KIF26B: variants seen among roughly 807,000 people sequenced by gnomAD.
KIF26B encodes the protein kinesin-like protein KIF26B.
A neutral mutation model predicts 151.2 loss-of-function variants in KIF26B; 63 were observed. The observed-to-expected ratio is 0.42, with a 90% CI of 0.34 to 0.51. The LOEUF (loss-of-function observed/expected upper bound fraction) is 0.51, where lower values mean the gene tolerates loss of function less well. Among genes scored for constraint, KIF26B ranks in the 20% least tolerant of loss-of-function variants. The pLI is 0.07. For missense variants in KIF26B, 2,813 were observed against 2,913.6 expected (o/e 0.97, Z 0.79); for synonymous variants, 1,357 against 1,262.1 (o/e 1.08, Z -1.59).
chr1:245,373,771 A>C (rs1320668904), intron 3 of KIF26B, among the ~76,000 whole-genome samples: 1 of 151,982 alleles, frequency 6.6e-6, no homozygotes, highest in Non-Finnish European at 1.5e-5. Flanking sequence ...ATTTTAAGAT[A>C]TGAGCACAGT....
intron 2 of KIF26B, among the ~76,000 whole-genome samples, chr1:245,249,829 T>C (rs921297337): frequency 3.9e-5 from 6 of 152,160 alleles, no homozygotes; most frequent in Non-Finnish European, 5.9e-5. Flanking sequence ...CTGGGAAGCA[T>C]TGCTTTGTTT....
At chr1:245,211,056 C>T (rs183793559) in intron 2 of KIF26B, among the ~76,000 whole-genome samples, 2 of 152,250 alleles carry the variant, frequency 1.3e-5, no homozygotes, top group African/African-American at 2.4e-5. Context: ...TTGTATAGGC[C>T]TTGTGTCTTC....
At chr1:245,272,652 T>G (rs926402241) in intron 2 of KIF26B, among the ~76,000 whole-genome samples, 1 of 152,170 alleles carries the variant, frequency 6.6e-6, no homozygotes, top group Non-Finnish European at 1.5e-5. Flanking sequence ...TTAACATAGG[T>G]GTTTACTACT....
At chr1:245,176,751 C>T (rs550488544) in intron 2 of KIF26B, among the ~76,000 whole-genome samples, 3 of 152,118 alleles carry the variant, frequency 2.0e-5, no homozygotes, top group African/African-American at 7.2e-5. Flanking sequence ...GGCGATGGGG[C>T]CTTTGACTTT....
chr1:245,259,395 A>G (rs774382493), intron 2 of KIF26B, among the ~76,000 whole-genome samples: 1 of 152,158 alleles, frequency 6.6e-6, no homozygotes, highest in Non-Finnish European at 1.5e-5. Flanking sequence ...GCTGAAATGC[A>G]CACGTGTTAC....
Position 245,602,496 on chromosome 1 carries a change from T to C in KIF26B, c.1351-81T>C, listed in dbSNP as rs539810922. ...AGTTCAGTGCTGCCATGTGCATGTA[T>C]ATCGCAGAGTATACAAGGGTGCTCC... On this transcript the variant is annotated intron_variant, in intron 5 of 14. Coordinates refer to ENST00000407071, the MANE Select transcript of KIF26B (RefSeq NM_018012.4). The surrounding 1 kb of genome is among the most constrained non-coding windows in gnomAD (Gnocchi z 4.5). 8.6e-4 allele frequency: 913 copies of C among 1,057,510 alleles called. No individual in the cohort carries two copies. The highest frequency in any genetic ancestry group is 2.4e-3 in the South Asian group (180 of 73,680). 65.5% of individuals were successfully genotyped at this position (1,057,510 alleles called of 1,614,324 possible).
chr1:245,586,509 G>T (rs1263326486), intron 5 of KIF26B, among the ~76,000 whole-genome samples: 2 of 152,126 alleles, frequency 1.3e-5, no homozygotes, highest in African/African-American at 4.8e-5. Context: ...TTAGTTTGAG[G>T]AAAGGAGTCC....
chr1:245,417,390 T>C (rs1674447063), intron 3 of KIF26B, among the ~76,000 whole-genome samples: 1 of 152,168 alleles, frequency 6.6e-6, no homozygotes, highest in Non-Finnish European at 1.5e-5. Flanking sequence ...TATTCCTAGA[T>C]ACAAATTGGC....
At chr1:245,635,014 C>T (rs879639107) in intron 9 of KIF26B, among the ~76,000 whole-genome samples, 19 of 151,610 alleles carry the variant, frequency 1.3e-4, no homozygotes, top group Admixed American at 1.1e-3. Context: ...GCCCTAGATA[C>T]AATTTTCTAA....
chr1:245,474,399 C>CACGCAGCCTCAAACACTGGG (rs1186266969), intron 4 of KIF26B, among the ~76,000 whole-genome samples: 1 of 150,056 alleles, frequency 6.7e-6, no homozygotes, highest in Non-Finnish European at 1.5e-5. Flanking sequence ...TGAGCCACTG[C>CACGCAGCCTCAAACACTGGG]TCCTGGCTTT....
intron 3 of KIF26B, among the ~76,000 whole-genome samples, chr1:245,416,112 C>CAAAAAA (rs375247191): frequency 3.3e-4 from 41 of 124,844 alleles, no homozygotes; most frequent in African/African-American, 1.2e-3. Flanking sequence ...AGTAAAAATA[C>CAAAAAA]AAAAAAAAAA....
At chr1:245,396,645 A>T (rs552250136) in intron 3 of KIF26B, among the ~76,000 whole-genome samples, 1 of 149,370 alleles carries the variant, frequency 6.7e-6, no homozygotes, top group South Asian at 2.1e-4. Flanking sequence ...CAAAAAAAAA[A>T]CAAAAAACAA....
At chr1:245,474,406 C>CT (rs201678465) in intron 4 of KIF26B, among the ~76,000 whole-genome samples, 41 of 144,498 alleles carry the variant, frequency 2.8e-4, no homozygotes, top group East Asian at 8.2e-4. Flanking sequence ...CTGCTCCTGG[C>CT]TTTTTTTTGT....
chr1:245,495,021 G>C lies in KIF26B; in HGVS notation c.1167-45746G>C, dbSNP rs971631020. On this transcript the variant is annotated intron_variant, in intron 4 of 14. Transcript: ENST00000407071. This position sits in a 1 kb window ranked among gnomAD's most constrained non-coding sequence, Gnocchi z 4.2. ...CTTCAGCCTGAGTGACAGAGATCCT[G>C]TCTCACAAAAGAGAAAAGAAAAGAA... Among the ~76,000 whole-genome samples, 2 of 151,810 alleles carry C rather than the reference G, an allele frequency of 1.3e-5. No homozygotes were observed. Among genetic ancestry groups the C allele is most frequent in the Non-Finnish European group, 2.9e-5 (2 of 68,004 alleles).
chr1:245,455,894 C>T (rs1659508253), intron 4 of KIF26B, among the ~76,000 whole-genome samples: 2 of 152,110 alleles, frequency 1.3e-5, no homozygotes, highest in South Asian at 2.1e-4. Context: ...AACCTATTCC[C>T]GTCTATCAAA....
chr1:245,329,557 A>G (rs1052548916), intron 2 of KIF26B, among the ~76,000 whole-genome samples: 1 of 151,624 alleles, frequency 6.6e-6, no homozygotes, highest in African/African-American at 2.4e-5. Flanking sequence ...CAGGGTCCAG[A>G]CCCCTCCCGT....
chr1:245,321,792 G>A (rs1021002357), intron 2 of KIF26B, among the ~76,000 whole-genome samples: 8 of 152,176 alleles, frequency 5.3e-5, no homozygotes, highest in South Asian at 2.1e-4. Flanking sequence ...ATGCCAGTTC[G>A]CTCAGCCATT....
intron 9 of KIF26B, among the ~76,000 whole-genome samples, chr1:245,627,278 T>C (rs949290557): frequency 1.3e-5 from 2 of 152,184 alleles, no homozygotes; most frequent in African/African-American, 2.4e-5. Context: ...AGAGACTGCA[T>C]TGAGTCTGTA....
intron 4 of KIF26B, among the ~76,000 whole-genome samples, chr1:245,441,302 C>T (rs552235610): frequency 2.6e-5 from 4 of 152,260 alleles, no homozygotes; most frequent in East Asian, 3.9e-4. Flanking sequence ...CCAAAAGAAA[C>T]GGCCACCAGA....
Sources: allele counts gnomAD v4.1 joint callset (sites outside exome capture counted in the v4.1 genomes callset), GRCh38; gene constraint gnomAD v4.1.1; non-coding constraint Gnocchi (gnomAD v3.1); transcripts MANE v1.5; gene names NCBI Gene and HGNC (gene_info 2026-07-23, HGNC 2026-07-21).